The following NECTIN2 variants were observed in gnomAD, a reference collection of about 807,000 sequenced individuals.
NECTIN2 encodes nectin-2.
Under a neutral mutation model 56.9 loss-of-function variants are expected in NECTIN2, and 23 were observed. The ratio of observed to expected loss-of-function variants is 0.40; its 90% CI spans 0.29 to 0.57. The LOEUF (loss-of-function observed/expected upper bound fraction) is 0.57. Ranked by LOEUF, NECTIN2 falls within the 20% of genes least tolerant of loss-of-function variation. The pLI, the probability that NECTIN2 is intolerant of heterozygous loss-of-function variation, is 0.38. For missense variants in NECTIN2, 587 were observed against 718.3 expected, an observed-to-expected ratio of 0.82 and a Z score of 2.09; for synonymous variants, 302 against 313.8, an observed-to-expected ratio of 0.96 and a Z score of 0.40.
At position 44,871,834 on chromosome 19, in the gene NECTIN2, CCT is replaced by C; in HGVS notation, c.479-15_479-14del. The C allele has an allele frequency of 6.2e-7, 1 of 1,606,902 alleles. No homozygotes were observed. Among genetic ancestry groups the C allele is most frequent in the South Asian group, 1.1e-5 (1 of 90,858 alleles). Reference sequence around the variant, plus strand: ...ACTGCCGGTGAGGAGTGACGCACCCCCTCTCCTCCTCTCCCCAGCCAAGCCCA... The same window carrying C: ...ACTGCCGGTGAGGAGTGACGCACCCCCTCCTCCTCTCCCCAGCCAAGCCCA... On this transcript the variant is annotated splice_polypyrimidine_tract_variant and intron_variant, in intron 2 of 8. Coordinates refer to ENST00000252483, the MANE Select transcript of NECTIN2 (RefSeq NM_001042724.2).
At chr19:44,877,825 G>A (rs1039510003) in intron 5 of NECTIN2, among the ~76,000 whole-genome samples, 5 of 152,218 alleles carry the variant, frequency 3.3e-5, no homozygotes, top group South Asian at 2.1e-4. Context: ...ACTCGGCTAC[G>A]GCGATCGCCA....
chr19:44,862,398 G>A (rs1969042205), intron 1 of NECTIN2, among the ~76,000 whole-genome samples: 1 of 148,878 alleles, frequency 6.7e-6, no homozygotes, highest in Non-Finnish European at 1.5e-5. Flanking sequence ...CTGGGCAAAA[G>A]AGTGAGACTC....
intron 2 of NECTIN2, among the ~76,000 whole-genome samples, chr19:44,867,152 G>A (rs1969110597): frequency 6.6e-6 from 1 of 151,850 alleles, no homozygotes; most frequent in Non-Finnish European, 1.5e-5. Flanking sequence ...CCAAGTAGCT[G>A]GGATTACAGG....
At chr19:44,860,350 C>CA (rs917789378) in intron 1 of NECTIN2, among the ~76,000 whole-genome samples, 3 of 152,048 alleles carry the variant, frequency 2.0e-5, no homozygotes, top group Non-Finnish European at 2.9e-5. Flanking sequence ...CCCATCTCTA[C>CA]AAAAAATACA....
At chr19:44,878,188 C>A in intron 5 of NECTIN2, 1 of 616,086 alleles carries the variant, frequency 1.6e-6, no homozygotes, top group Non-Finnish European at 2.9e-6. Context: ...GTCTCCCTTT[C>A]TCTCTCTCTC....
chr19:44,888,042 G>A (rs1969379672), intron 8 of NECTIN2, 68 bp from the exon 9 acceptor site: 1 of 1,532,714 alleles, frequency 6.5e-7, no homozygotes, highest in Non-Finnish European at 8.9e-7. Context: ...TTGGGGTCAA[G>A]AGCAGATTGG....
intron 6 of NECTIN2, among the ~76,000 whole-genome samples, chr19:44,883,762 C>G (rs1201274016): frequency 6.6e-6 from 1 of 152,130 alleles, no homozygotes; most frequent in Non-Finnish European, 1.5e-5. Flanking sequence ...GAGCTCAAGT[C>G]TGCAATGAGC....
intron 1 of NECTIN2, among the ~76,000 whole-genome samples, chr19:44,860,562 C>A (rs1284827512): frequency 6.6e-6 from 1 of 151,988 alleles, no homozygotes; most frequent in Non-Finnish European, 1.5e-5. Context: ...TCCAAATATA[C>A]TTAAAGCCAC....
chr19:44,849,040 G>T (rs1968870723), intron 1 of NECTIN2, among the ~76,000 whole-genome samples: 1 of 152,146 alleles, frequency 6.6e-6, no homozygotes, highest in Non-Finnish European at 1.5e-5. Flanking sequence ...AGGGAAGGGG[G>T]ACTGGGCAGA....
At chr19:44,871,726 G>A (rs141739979) in intron 2 of NECTIN2, 127 bp from the exon 3 acceptor site, 24 of 1,061,596 alleles carry the variant, frequency 2.3e-5, no homozygotes, top group Admixed American at 8.5e-5. Flanking sequence ...AAGCCAGGCC[G>A]CTGATAAGCA....
rs1174308286 is a variant in NECTIN2 at position 44,874,121 on chromosome 19, G to A, written c.893+88G>A. ...GGATCTAAGGGAGGAGGGGCTGGGGGCCTGGACTCCTGGATCTGAGGGAGG... is the reference window on the plus strand; with the variant it reads ...GGATCTAAGGGAGGAGGGGCTGGGGACCTGGACTCCTGGATCTGAGGGAGG... On this transcript the variant is annotated intron_variant, in intron 4 of 8. Transcript: ENST00000252483. The surrounding 1 kb of genome is among the most constrained non-coding windows in gnomAD (Gnocchi z 6.3). The A allele has an allele frequency of 2.2e-5, 27 of 1,250,378 alleles. No homozygotes were observed. The highest frequency in any genetic ancestry group is 6.6e-5 in the South Asian group (5 of 76,172). 77.5% of individuals were successfully genotyped at this position (1,250,378 alleles called of 1,614,324 possible).
chr19:44,865,490 T>C lies in NECTIN2; in HGVS notation c.308T>C (p.Leu103Pro). The C allele has an allele frequency of 2.5e-6, 4 of 1,608,844 alleles. No homozygotes were observed. The highest frequency in any genetic ancestry group is 3.4e-6 in the Non-Finnish European group (4 of 1,177,968). Reference protein sequence around the residue: ...FPSPKPGSERLSFVSAKQSTG... With the variant: ...FPSPKPGSERPSFVSAKQSTG... ...AGCCCGAAGCCTGGCAGCGAGCGGC[T>C]GTCCTTCGTCTCTGCCAAGCAGAGC... is the stretch of plus-strand genomic sequence containing the variant. Residue 103 changes from leucine to proline, a missense_variant, in exon 2 of 9, where the codon CTG (leucine) becomes CCG (proline). By Grantham distance (98) the Leu-to-Pro change is moderately conservative (BLOSUM62 -3). Coordinates refer to ENST00000252483, the MANE Select transcript of NECTIN2 (RefSeq NM_001042724.2). The surrounding 1 kb of genome is among the most constrained non-coding windows in gnomAD (Gnocchi z 5.2).
At chr19:44,854,128 C>T (rs148143695) in intron 1 of NECTIN2, among the ~76,000 whole-genome samples, 56 of 151,592 alleles carry the variant, frequency 3.7e-4, no homozygotes, top group Non-Finnish European at 6.9e-4. Flanking sequence ...TGTTTGAGAC[C>T]GAGTCCTCAC....
chr19:44,862,259 A>G (rs1969039492), intron 1 of NECTIN2, among the ~76,000 whole-genome samples: 1 of 132,800 alleles, frequency 7.5e-6, no homozygotes, highest in African/African-American at 2.6e-5. Context: ...CTAAAAATAC[A>G]AAAAAATTCA....
chr19:44,854,546 C>T (rs1011282276), intron 1 of NECTIN2, among the ~76,000 whole-genome samples: 3 of 152,132 alleles, frequency 2.0e-5, no homozygotes, highest in South Asian at 2.1e-4. Context: ...GGTGCAGTGG[C>T]TTATGCCTAT....
At chr19:44,883,344 G>A (rs957871136) in intron 6 of NECTIN2, among the ~76,000 whole-genome samples, 4 of 151,964 alleles carry the variant, frequency 2.6e-5, no homozygotes, top group African/African-American at 4.8e-5. Flanking sequence ...GCGCCATCTC[G>A]GCTCACTGCA....
intron 3 of NECTIN2, among the ~76,000 whole-genome samples, chr19:44,872,626 A>G (rs1419958192): frequency 6.6e-6 from 1 of 151,928 alleles, no homozygotes; most frequent in African/African-American, 2.4e-5. Flanking sequence ...CGTTAGATCA[A>G]TCATGCTGGG....
chr19:44,884,666 G>A (rs1815172379), intron 6 of NECTIN2, among the ~76,000 whole-genome samples: 1 of 152,226 alleles, frequency 6.6e-6, no homozygotes, highest in Non-Finnish European at 1.5e-5. Flanking sequence ...TAGTGATGGT[G>A]TAGCATGACC....
rs1485540853 is a variant in NECTIN2, at chr19:44,846,592, C to T, written c.67C>T (p.Leu23=). Residue 23 remains leucine, a synonymous_variant, in exon 1 of 9, where the codon CTG becomes TTG. Transcript: ENST00000252483. ...GACGCCGCTGCTGTGGCCGCTGCTG[C>T]TGCTGCTGCTCCTGGAAACCGGTGA... is the stretch of plus-strand genomic sequence containing the variant. The part of the protein sequence containing the change: ...PPTPLLWPLL[L]LLLLETGAQD... 6.6e-7 allele frequency: 1 copy of T among 1,525,816 alleles called. No individual in the cohort carries two copies. The highest frequency in any genetic ancestry group is 1.2e-5 in the South Asian group (1 of 83,368). 94.5% of individuals were successfully genotyped at this position (1,525,816 alleles called of 1,614,324 possible).
Sources: gnomAD v4.1 joint callset for allele counts (sites outside exome capture counted in the v4.1 genomes callset) on GRCh38, gnomAD v4.1.1 for gene constraint, Gnocchi (gnomAD v3.1) non-coding constraint, MANE v1.5 for transcripts, NCBI Gene and HGNC (gene_info 2026-07-23, HGNC 2026-07-21) for gene names.